Variants in DGKK observed in about 807,000 individuals in gnomAD.
The protein encoded by DGKK is diacylglycerol kinase kappa.
In DGKK, 35 loss-of-function variants were observed where a neutral mutation model predicts 92.2. The ratio of observed to expected loss-of-function variants is 0.38; its 90% CI spans 0.29 to 0.50. DGKK has a LOEUF of 0.50. Among genes scored for constraint, DGKK ranks in the 20% least tolerant of loss-of-function variants. DGKK has a pLI of 0.92. For synonymous variants in DGKK, 368 were observed against 360.6 expected (o/e 1.02, Z -0.23); for missense variants, 910 against 992.2 (o/e 0.92, Z 1.11).
At chrX:50,386,317 T>G (rs1557224942) in intron 15 of DGKK, 41 bp downstream of exon 15, 9 of 1,090,327 alleles carry the variant, frequency 8.3e-6, no homozygotes, top group Non-Finnish European at 1.1e-5. Flanking sequence ...TGGAACTTTT[T>G]CTTTCCCCTA....
At chrX:50,433,124 T>C (rs994994325) in intron 1 of DGKK, among the ~76,000 whole-genome samples, 1 of 112,027 alleles carries the variant, frequency 8.9e-6, no homozygotes, top group African/African-American at 3.2e-5. Context: ...GAACAAGCCA[T>C]TTCACTGCGA....
intron 3 of DGKK, among the ~76,000 whole-genome samples, chrX:50,420,918 T>G (rs1925568909): frequency 9.0e-6 from 1 of 111,719 alleles, no homozygotes; most frequent in South Asian, 3.7e-4. Context: ...ATCCAGATTC[T>G]TTGGCTTCAG....
intron 1 of DGKK, among the ~76,000 whole-genome samples, chrX:50,459,549 C>G (rs1451513336): frequency 9.0e-6 from 1 of 110,566 alleles, no homozygotes; most frequent in African/African-American, 3.3e-5. Context: ...ATGAAGAGAA[C>G]CACTAATGGG....
chrX:50,423,523 C>G (rs1925655349), intron 2 of DGKK, among the ~76,000 whole-genome samples: 1 of 111,850 alleles, frequency 8.9e-6, no homozygotes, highest in African/African-American at 3.2e-5. Context: ...TGTTAGCCAA[C>G]AATTTCTGCT....
At chrX:50,386,888 T>C (rs184089837) in intron 14 of DGKK, among the ~76,000 whole-genome samples, 10 of 111,773 alleles carry the variant, frequency 8.9e-5, no homozygotes, top group Admixed American at 6.7e-4. Flanking sequence ...TAAAACAATG[T>C]ATAACATGCA....
chrX:50,372,598 A>G (rs1464417057), intron 25 of DGKK, among the ~76,000 whole-genome samples: 1 of 112,162 alleles, frequency 8.9e-6, no homozygotes, highest in Non-Finnish European at 1.9e-5. Context: ...AATGAGTTCT[A>G]GATGGCTTGT....
In DGKK at chrX:50,378,603, TTGA is replaced by T. The variant is rs782080518; in HGVS notation, c.2948_2950del (p.Ile983del). ...CTGGGCAATGCGATGATGATGCAGGTTGATGATACGGGACATTGCCATCTGCAC... is the reference window on the plus strand; with the variant it reads ...CTGGGCAATGCGATGATGATGCAGGTTGATACGGGACATTGCCATCTGCAC... On this transcript the variant is annotated inframe_deletion, in exon 21 of 28. Coordinates refer to ENST00000611977, the MANE Select transcript of DGKK (RefSeq NM_001013742.4). 6 of 1,207,015 alleles carry T rather than the reference TTGA, an allele frequency of 5.0e-6. No individual in the cohort carries two copies. The African/African-American group carries it at 1.1e-4, about 21-fold the overall frequency.
chrX:50,370,288 C>G, intron 27 of DGKK, 138 bp downstream of exon 27: 1 of 759,655 alleles, frequency 1.3e-6, no homozygotes, highest in Non-Finnish European at 1.8e-6. Flanking sequence ...GTATCACTTA[C>G]TGCTGACTCC....
chrX:50,416,091 C>T (rs1393098492), intron 4 of DGKK, among the ~76,000 whole-genome samples: 1 of 111,156 alleles, frequency 9.0e-6, no homozygotes, highest in Admixed American at 9.6e-5. Flanking sequence ...GCTCCTTTTT[C>T]TGCCATATGA....
At chrX:50,427,031 A>G (rs1160712227) in intron 1 of DGKK, among the ~76,000 whole-genome samples, 1 of 112,085 alleles carries the variant, frequency 8.9e-6, no homozygotes, top group Admixed American at 9.5e-5. Context: ...AGTTATGTCC[A>G]CACAAAAACC....
At chrX:50,398,695 A>G (rs1179018731) in intron 8 of DGKK, among the ~76,000 whole-genome samples, 1 of 112,011 alleles carries the variant, frequency 8.9e-6, no homozygotes, top group Admixed American at 9.4e-5. Flanking sequence ...ACACCAACAC[A>G]AGGACAGGAA....
chrX:50,384,663 G>T, intron 16 of DGKK, 57 bp downstream of exon 16: 2 of 1,049,247 alleles, frequency 1.9e-6, no homozygotes, highest in Non-Finnish European at 2.6e-6. Flanking sequence ...TATTCTTTGG[G>T]AGCTAAACAA....
intron 14 of DGKK, 128 bp from the exon 15 acceptor site, chrX:50,386,714 G>GA (rs1446423570): frequency 1.9e-6 from 1 of 516,871 alleles, no homozygotes; most frequent in African/African-American, 2.4e-5. Context: ...GCTGAGCATA[G>GA]AAAACCACAT....
At chrX:50,402,549 C>T (rs1281239987) in intron 7 of DGKK, among the ~76,000 whole-genome samples, 1 of 112,113 alleles carries the variant, frequency 8.9e-6, no homozygotes, top group Non-Finnish European at 1.9e-5. Flanking sequence ...GACCCCTTCA[C>T]TTTTCTGACC....
chrX:50,374,904 G>A lies in DGKK; in HGVS notation c.3501+67C>T, dbSNP rs782219540. Reference sequence around the variant, plus strand: ...CGGGTCTCCAGTGCCCTTGGACCAAGCACAAGACCATGACCATGTTCAGAT... The same window carrying A: ...CGGGTCTCCAGTGCCCTTGGACCAAACACAAGACCATGACCATGTTCAGAT... On this transcript the variant is annotated intron_variant, in intron 25 of 27. Coordinates refer to ENST00000611977, the MANE Select transcript of DGKK (RefSeq NM_001013742.4). 2.0e-5 allele frequency: 21 copies of A among 1,025,581 alleles called. No individual in the cohort carries two copies. The South Asian group carries it at 3.6e-4, about 18-fold the overall frequency. The allele number at this position is 1,025,581 out of a possible 1,213,427, so 84.5% of individuals were successfully genotyped here.
At chrX:50,403,909 CT>C in intron 5 of DGKK, 139 bp downstream of exon 5, 2 of 757,737 alleles carry the variant, frequency 2.6e-6, no homozygotes, top group Admixed American at 3.8e-5. Context: ...AGTTTCCTCC[CT>C]TTTTCTTTCC....
At chrX:50,386,939 C>T (rs1362129938) in intron 14 of DGKK, among the ~76,000 whole-genome samples, 1 of 111,026 alleles carries the variant, frequency 9.0e-6, no homozygotes, top group East Asian at 2.8e-4. Context: ...TTCATGGGCA[C>T]GCTCCTCTGG....
chrX:50,376,191 T>C lies in DGKK; in HGVS notation c.3273-26A>G, dbSNP rs782789213. ...CTGTAATAAAGCAAGGACAGATAGA[T>C]GAGTTGGGATTTCTGAAGGACTTCT... is the stretch of plus-strand genomic sequence containing the variant. On this transcript the variant is annotated intron_variant, in intron 23 of 27. Coordinates refer to ENST00000611977, the MANE Select transcript of DGKK (RefSeq NM_001013742.4). 5.8e-6 allele frequency: 7 copies of C among 1,202,310 alleles called. No individual in the cohort carries two copies. In the South Asian group the frequency reaches 1.1e-4, roughly 19 times the overall value.
At chrX:50,379,903 T>TGTACGGTATTCC in intron 19 of DGKK, 78 bp downstream of exon 19, 3 of 1,006,754 alleles carry the variant, frequency 3.0e-6, no homozygotes, top group Non-Finnish European at 4.2e-6. Context: ...TCAGGAAGAA[T>TGTACGGTATTCC]CAGCATGTAC....
Sources: gnomAD v4.1 joint callset for allele counts (sites outside exome capture counted in the v4.1 genomes callset) on GRCh38, gnomAD v4.1.1 for gene constraint, MANE v1.5 for transcripts, NCBI Gene and HGNC (gene_info 2026-07-23, HGNC 2026-07-21) for gene names.